Variants in SHANK2 observed in about 807,000 individuals in gnomAD.
SHANK2 encodes the protein SH3 and multiple ankyrin repeat domains protein 2.
In SHANK2, 43 loss-of-function variants were observed where a neutral mutation model predicts 133.7. The observed-to-expected ratio is 0.32, with a 90% CI of 0.25 to 0.41. The LOEUF (loss-of-function observed/expected upper bound fraction) is 0.41. Among genes scored for constraint, SHANK2 ranks in the 10% least tolerant of loss-of-function variants. The pLI is 1.00. For synonymous variants in SHANK2, 1,017 were observed against 952.8 expected, an observed-to-expected ratio of 1.07 and a Z score of -1.24; for missense variants, 1,994 against 2,235.8, an observed-to-expected ratio of 0.89 and a Z score of 2.18.
chr11:70,924,193 C>T (rs1377325868), intron 10 of SHANK2, among the ~76,000 whole-genome samples: 1 of 152,176 alleles, frequency 6.6e-6, no homozygotes, highest in Non-Finnish European at 1.5e-5. Flanking sequence ...TTACCAGAGT[C>T]CCCAGGAGTC....
intron 14 of SHANK2, among the ~76,000 whole-genome samples, chr11:70,754,112 A>G (rs1217001716): frequency 1.3e-5 from 2 of 152,182 alleles, no homozygotes; most frequent in Admixed American, 6.5e-5. Context: ...ACGCCTGACA[A>G]TTGTGTAGTT....
chr11:70,572,764 G>C (rs1423018969), intron 17 of SHANK2, among the ~76,000 whole-genome samples: 1 of 152,190 alleles, frequency 6.6e-6, no homozygotes, highest in African/African-American at 2.4e-5. Flanking sequence ...GTGCCGGCGA[G>C]GCCCAGGAGA....
In SHANK2 at chr11:70,830,579, C is replaced by A. The variant is rs1250608812; in HGVS notation, c.1175-9897G>T. Among the ~76,000 whole-genome samples the A allele has an allele frequency of 1.3e-5, 2 of 152,240 alleles. No homozygotes were observed. Among genetic ancestry groups the A allele is most frequent in the African/African-American group, 4.8e-5 (2 of 41,466 alleles). On this transcript the variant is annotated intron_variant, in intron 11 of 25. Coordinates refer to ENST00000601538, the MANE Select transcript of SHANK2 (RefSeq NM_012309.5). The surrounding 1 kb of genome is among the most constrained non-coding windows in gnomAD (Gnocchi z 4.4). ...GCAGAACTCCGGGAATTCGCTAGCG[C>A]CCTTCCCATCTCTAAAACAAGTATT... is the stretch of plus-strand genomic sequence containing the variant.
chr11:70,609,140 GC>G (rs1163756877), intron 17 of SHANK2, among the ~76,000 whole-genome samples: 1 of 152,230 alleles, frequency 6.6e-6, no homozygotes, highest in Non-Finnish European at 1.5e-5. Flanking sequence ...CCCAGAGAGG[GC>G]CTGGCCGGCT....
intron 2 of SHANK2, among the ~76,000 whole-genome samples, chr11:71,184,457 C>T (rs374050614): frequency 3.3e-5 from 5 of 152,138 alleles, no homozygotes; most frequent in Admixed American, 6.5e-5. Flanking sequence ...CCCTGAATGT[C>T]GGGGCTGGGT....
At position 71,130,152 on chromosome 11, in the gene SHANK2, G is replaced by A. The variant is rs562142896; in HGVS notation, c.208-11120C>T. Among the ~76,000 whole-genome samples the A allele has an allele frequency of 3.2e-4, 49 of 152,298 alleles. 1 individual carries two copies. The South Asian group carries it at 1.0e-2, about 31-fold the overall frequency. On this transcript the variant is annotated intron_variant, in intron 3 of 25. Transcript: ENST00000601538. The stretch of plus-strand genomic sequence containing the variant: ...ATCTCCAAATAAAGTCTCATTCTGA[G>A]GTCCTGGGCTATGACTTCATTCAAT...
intron 10 of SHANK2, among the ~76,000 whole-genome samples, chr11:70,955,422 G>GGTGTGTGT (rs1186144718): frequency 0.024 from 3,443 of 146,508 alleles, 112 homozygotes; most frequent in Admixed American, 0.089. Context: ...AGACCCACGG[G>GGTGTGTGT]GTGTGTGTGT....
intron 17 of SHANK2, among the ~76,000 whole-genome samples, chr11:70,648,510 A>G (rs2061298881): frequency 6.6e-6 from 1 of 152,194 alleles, no homozygotes. Flanking sequence ...GATTTACTCG[A>G]AACACAGTGA....
intron 3 of SHANK2, among the ~76,000 whole-genome samples, chr11:71,130,834 C>A (rs1952287332): frequency 6.6e-6 from 1 of 152,190 alleles, no homozygotes; most frequent in Non-Finnish European, 1.5e-5. Flanking sequence ...GAAACGCAGA[C>A]CCCGGGGACG....
intron 14 of SHANK2, among the ~76,000 whole-genome samples, chr11:70,782,652 T>C (rs2135121233): frequency 6.6e-6 from 1 of 152,244 alleles, no homozygotes; most frequent in African/African-American, 2.4e-5. Context: ...TTCTGAAGTA[T>C]ACAAGGACTG....
Position 71,115,628 on chromosome 11 carries a change from G to A in SHANK2, c.412-2264C>T, listed in dbSNP as rs117378729. Among the ~76,000 whole-genome samples the A allele has an allele frequency of 6.6e-5, 10 of 152,192 alleles. No individual in the cohort carries two copies. In the East Asian group the frequency reaches 1.7e-3, roughly 26 times the overall value. On this transcript the variant is annotated intron_variant, in intron 4 of 25. Coordinates refer to ENST00000601538, the MANE Select transcript of SHANK2 (RefSeq NM_012309.5). ...TCCTCTGGGCCTCACGACCACTCCCGGACATCACTACTAACATTCACTCAA... is the reference window on the plus strand; with the variant it reads ...TCCTCTGGGCCTCACGACCACTCCCAGACATCACTACTAACATTCACTCAA...
chr11:70,708,948 C>T lies in SHANK2; in HGVS notation c.1778-10185G>A, dbSNP rs571765255. 2.0e-3 allele frequency among the ~76,000 whole-genome samples: 302 copies of T among 152,302 alleles called. 1 individual carries two copies. The highest frequency in any genetic ancestry group is 2.9e-3 in the Non-Finnish European group (195 of 68,032). ...AAGAAGGGCAGGGCGTGGTGGCTCA[C>T]ACCTATAATCCCAGCACTTTGGGAG... On this transcript the variant is annotated intron_variant, in intron 14 of 25. Transcript: ENST00000601538.
intron 4 of SHANK2, among the ~76,000 whole-genome samples, chr11:71,115,625 C>A (rs1792100398): frequency 1.3e-5 from 2 of 152,164 alleles, no homozygotes; most frequent in Admixed American, 1.3e-4. Flanking sequence ...CACGACCACT[C>A]CCGGACATCA....
At chr11:70,734,185 G>A (rs1021482498) in intron 14 of SHANK2, among the ~76,000 whole-genome samples, 1 of 152,172 alleles carries the variant, frequency 6.6e-6, no homozygotes, top group Non-Finnish European at 1.5e-5. Flanking sequence ...CAGCAGGTGC[G>A]GCAGGGGCAA....
At chr11:71,127,870 AT>A (rs1952220632) in intron 3 of SHANK2, among the ~76,000 whole-genome samples, 1 of 152,228 alleles carries the variant, frequency 6.6e-6, no homozygotes. Flanking sequence ...TGTTCAGGTC[AT>A]TTCTGGATCA....
chr11:71,107,913 C>A (rs1951825331), intron 6 of SHANK2, among the ~76,000 whole-genome samples: 2 of 152,186 alleles, frequency 1.3e-5, no homozygotes, highest in African/African-American at 4.8e-5. Context: ...GAGGGGACAT[C>A]CAGCCTCCTT....
At chr11:71,108,603 G>GC (rs1951837138) in intron 6 of SHANK2, among the ~76,000 whole-genome samples, 1 of 152,196 alleles carries the variant, frequency 6.6e-6, no homozygotes, top group Non-Finnish European at 1.5e-5. Flanking sequence ...CGGAAGCCCA[G>GC]CCTTGTCCAC....
intron 10 of SHANK2, among the ~76,000 whole-genome samples, chr11:70,915,311 A>C (rs879976691): frequency 1.3e-5 from 2 of 151,994 alleles, no homozygotes; most frequent in African/African-American, 4.8e-5. Context: ...CTGTACACAC[A>C]CCCCCAAAAA....
At chr11:70,831,920 C>T (rs922313445) in intron 11 of SHANK2, among the ~76,000 whole-genome samples, 1 of 152,192 alleles carries the variant, frequency 6.6e-6, no homozygotes, top group Non-Finnish European at 1.5e-5. Context: ...CAGCCATGGG[C>T]CGGTTGGACA....
Sources: allele counts gnomAD v4.1 joint callset (sites outside exome capture counted in the v4.1 genomes callset), GRCh38; gene constraint gnomAD v4.1.1; non-coding constraint Gnocchi (gnomAD v3.1); transcripts MANE v1.5; gene names NCBI Gene and HGNC (gene_info 2026-07-23, HGNC 2026-07-21).